C1QTNF9: variants seen among roughly 807,000 people sequenced by gnomAD.
C1QTNF9 encodes complement C1q and tumor necrosis factor-related protein 9A.
In C1QTNF9, 6 loss-of-function variants were observed where a neutral mutation model predicts 10.1. The ratio of observed to expected loss-of-function variants is 0.59; its 90% CI spans 0.32 to 1.17. The LOEUF (loss-of-function observed/expected upper bound fraction) is 1.17, where lower values mean the gene tolerates loss of function less well. Ranked by LOEUF, C1QTNF9 falls within the 50% of genes most tolerant of loss-of-function variation. The pLI is 0.04. For synonymous variants in C1QTNF9, 98 were observed against 163.5 expected, an observed-to-expected ratio of 0.60 and a Z score of 3.06; for missense variants, 201 against 418.8, an observed-to-expected ratio of 0.48 and a Z score of 4.54.
intron 3 of C1QTNF9, among the ~76,000 whole-genome samples, chr13:24,319,269 T>C (rs1001304478): frequency 2.0e-5 from 3 of 152,204 alleles, no homozygotes; most frequent in African/African-American, 7.2e-5. Flanking sequence ...CCGAGCACCA[T>C]GGCCCACACC....
chr13:24,311,816 T>C (rs759114580), intron 1 of C1QTNF9, among the ~76,000 whole-genome samples: 1 of 152,144 alleles, frequency 6.6e-6, no homozygotes, highest in African/African-American at 2.4e-5. Context: ...GGTTTTTCTA[T>C]CCCCAAATTG....
exon 4 of C1QTNF9, chr13:24,322,419 C>A (rs1280046653): frequency 2.0e-5 from 3 of 152,252 alleles, no homozygotes; most frequent in Admixed American, 2.0e-4. Flanking sequence ...AGGTTTTAAT[C>A]ACCATTTTAC....
upstream of C1QTNF9, among the ~76,000 whole-genome samples, chr13:24,309,283 T>TTTTATATATATA (rs1422107558): frequency 1.5e-5 from 1 of 68,266 alleles, no homozygotes; most frequent in Admixed American, 1.5e-4. Context: ...ACTTAAAGTA[T>TTTTATATATATA]TATATATATA....
intron 2 of C1QTNF9, among the ~76,000 whole-genome samples, chr13:24,317,679 G>A (rs1330549573): frequency 2.6e-5 from 4 of 151,934 alleles, no homozygotes; most frequent in Non-Finnish European, 5.9e-5. Flanking sequence ...GCATAATGTA[G>A]AAACATATAA....
intron 2 of C1QTNF9, among the ~76,000 whole-genome samples, chr13:24,317,254 AGTGTGTGTGTGTGT>A (rs10663026): frequency 2.4e-5 from 3 of 125,876 alleles, no homozygotes; most frequent in South Asian, 4.6e-4. Flanking sequence ...GGACCACAGT[AGTGTGTGTGTGTGT>A]GTGTGTGTGT....
upstream of C1QTNF9, among the ~76,000 whole-genome samples, chr13:24,309,316 A>T (rs1877727695): frequency 1.1e-5 from 1 of 90,546 alleles, no homozygotes; most frequent in African/African-American, 4.7e-5. Flanking sequence ...TATGAAAGAA[A>T]CCTGCCTGGG....
At chr13:24,316,141 C>T (rs374313886) in exon 2 of C1QTNF9, 57 of 1,608,936 alleles carry the variant, frequency 3.5e-5, no homozygotes, top group Admixed American at 2.8e-4. Flanking sequence ...ATGGACGAGA[C>T]GGAGCGAAGG....
Position 24,315,686 on chromosome 13 carries a change from T to A in C1QTNF9, c.-22-296T>A, listed in dbSNP as rs7328878. On this transcript the variant is annotated intron_variant, in intron 1 of 3. Coordinates refer to ENST00000332018, the Ensembl canonical transcript of C1QTNF9. ...AGCATTGATCTCTGGTTCAGAAAAG[T>A]GATTTCTTCAAAGTGAAATGATGAA... 5.1e-3 allele frequency: 2,452 copies of A among 482,706 alleles called. 59 individuals carry two copies. Among genetic ancestry groups the A allele is most frequent in the African/African-American group, 0.043 (2,255 of 52,582 alleles). The allele number at this position is 482,706 out of a possible 1,614,324, so 29.9% of individuals were successfully genotyped here. A position where few individuals can be genotyped will look rare whatever the true frequency, so the allele number is the denominator to read the frequency against.
At chr13:24,322,167 T>G in exon 4 of C1QTNF9, 2 of 169,718 alleles carry the variant, frequency 1.2e-5, no homozygotes, top group Non-Finnish European at 2.5e-5. Flanking sequence ...GCAACAGCTT[T>G]AAGCTGGTGA....
intron 1 of C1QTNF9, among the ~76,000 whole-genome samples, chr13:24,313,455 G>C (rs901627914): frequency 2.0e-5 from 3 of 152,210 alleles, no homozygotes; most frequent in African/African-American, 4.8e-5. Flanking sequence ...ACAAAGTTTG[G>C]TTGATGGAAT....
chr13:24,321,754 T>C, exon 4 of C1QTNF9: 1 of 1,579,716 alleles, frequency 6.3e-7, no homozygotes, highest in Non-Finnish European at 8.6e-7. Context: ...GTTCCTTCTG[T>C]TCAGCAGCCC....
intron 1 of C1QTNF9, among the ~76,000 whole-genome samples, chr13:24,310,579 C>T (rs1320142734): frequency 6.9e-6 from 1 of 145,308 alleles, no homozygotes; most frequent in Non-Finnish European, 1.5e-5. Flanking sequence ...ATTTTTATGG[C>T]TATGCTAATT....
intron 1 of C1QTNF9, among the ~76,000 whole-genome samples, chr13:24,312,904 A>T (rs375357203): frequency 9.2e-5 from 14 of 151,444 alleles, no homozygotes; most frequent in African/African-American, 3.2e-4. Flanking sequence ...GCAGTGAGCC[A>T]AGATCGCGCC....
chr13:24,311,716 C>T (rs974130012), intron 1 of C1QTNF9, among the ~76,000 whole-genome samples: 2 of 152,194 alleles, frequency 1.3e-5, no homozygotes, highest in Non-Finnish European at 2.9e-5. Flanking sequence ...ATAACAGTGG[C>T]TTATGCAAGA....
intron 1 of C1QTNF9, among the ~76,000 whole-genome samples, chr13:24,310,485 A>G (rs540887939): frequency 6.6e-6 from 1 of 152,096 alleles, no homozygotes; most frequent in South Asian, 2.1e-4. Context: ...TTTCTAGAGA[A>G]GCTTATAGAT....
At chr13:24,313,900 A>G (rs1343663095) in intron 1 of C1QTNF9, among the ~76,000 whole-genome samples, 1 of 152,266 alleles carries the variant, frequency 6.6e-6, no homozygotes, top group African/African-American at 2.4e-5. Flanking sequence ...ATCAAAATTC[A>G]GCACAATGTA....
rs188027952 is a variant in C1QTNF9, at chr13:24,316,797, C to T, written c.166+628C>T. On this transcript the variant is annotated intron_variant, in intron 2 of 3. Transcript: ENST00000332018. Reference sequence around the variant, plus strand: ...GGAGATTTGCCAAAGCTGAGAAGTCCGAGTGGTTTCCATAACAACAACCAA... The same window carrying T: ...GGAGATTTGCCAAAGCTGAGAAGTCTGAGTGGTTTCCATAACAACAACCAA... Among the ~76,000 whole-genome samples the T allele has an allele frequency of 7.9e-5, 12 of 152,230 alleles. No homozygotes were observed. In the East Asian group the frequency reaches 1.5e-3, roughly 20 times the overall value.
chr13:24,317,844 TGG>T (rs1878100247), intron 2 of C1QTNF9, among the ~76,000 whole-genome samples: 2 of 85,962 alleles, frequency 2.3e-5, no homozygotes, highest in African/African-American at 9.1e-5. Flanking sequence ...GAGCAGCCAG[TGG>T]AGGGGAGGGG....
intron 1 of C1QTNF9, among the ~76,000 whole-genome samples, chr13:24,315,092 A>G (rs904542240): frequency 2.0e-5 from 3 of 152,170 alleles, no homozygotes; most frequent in Non-Finnish European, 4.4e-5. Context: ...TTAAGGGCAC[A>G]ATTCAGTGGC....
Sources: allele counts gnomAD v4.1 joint callset (sites outside exome capture counted in the v4.1 genomes callset), GRCh38; gene constraint gnomAD v4.1.1; transcripts MANE v1.5; gene names NCBI Gene and HGNC (gene_info 2026-07-23, HGNC 2026-07-21).